The following GABRB2 variants were observed in gnomAD, a reference collection of about 807,000 sequenced individuals.
GABRB2 encodes the protein gamma-aminobutyric acid type A receptor subunit beta2, also known as gamma-aminobutyric acid receptor subunit beta-2.
Under a neutral mutation model 54.7 loss-of-function variants are expected in GABRB2, and 16 were observed. That is an observed-to-expected ratio of 0.29 (90% CI 0.20 to 0.44). The LOEUF (loss-of-function observed/expected upper bound fraction) is 0.44, where lower values mean the gene tolerates loss of function less well. Ranked by LOEUF, GABRB2 falls within the 20% of genes least tolerant of loss-of-function variation. The pLI is 1.00. For missense variants in GABRB2, 355 were observed against 644.0 expected (o/e 0.55, Z 4.86); for synonymous variants, 244 against 233.8 (o/e 1.04, Z -0.40).
At chr5:161,429,352 A>AAAAAAAAAAAAAAG (rs1580978502) in intron 4 of GABRB2, among the ~76,000 whole-genome samples, 1 of 148,946 alleles carries the variant, frequency 6.7e-6, no homozygotes, top group Non-Finnish European at 1.5e-5. Context: ...TCTCAAAAAA[A>AAAAAAAAAAAAAAG]AAAAAAGAAA....
chr5:161,494,322 G>A (rs1325563920), intron 3 of GABRB2, among the ~76,000 whole-genome samples: 3 of 151,790 alleles, frequency 2.0e-5, no homozygotes, highest in East Asian at 1.9e-4. Context: ...TACACTTGAT[G>A]ACACAAAAAG....
intron 4 of GABRB2, among the ~76,000 whole-genome samples, chr5:161,431,058 G>T (rs1268329235): frequency 1.3e-5 from 2 of 152,126 alleles, no homozygotes; most frequent in African/African-American, 4.8e-5. Flanking sequence ...TTGAAAAAGA[G>T]ATGGGATAAC....
chr5:161,363,347 G>T (rs1561622914), intron 5 of GABRB2, among the ~76,000 whole-genome samples: 1 of 152,016 alleles, frequency 6.6e-6, no homozygotes, highest in Non-Finnish European at 1.5e-5. Context: ...ATGGAGATAG[G>T]GAGGGGAACA....
At chr5:161,326,508 A>T in intron 8 of GABRB2, 27 bp from the exon 9 acceptor site, 1 of 1,607,986 alleles carries the variant, frequency 6.2e-7, no homozygotes. Context: ...AGAATGTGCT[A>T]ATTAAGTCGA....
At chr5:161,319,745 G>A (rs73797568) in intron 9 of GABRB2, among the ~76,000 whole-genome samples, 2 of 151,654 alleles carry the variant, frequency 1.3e-5, no homozygotes, top group South Asian at 4.1e-4. Context: ...ACCACTAGAG[G>A]TATTTGAATT....
chr5:161,309,668 T>C (rs1400705372), intron 9 of GABRB2, among the ~76,000 whole-genome samples: 5 of 151,852 alleles, frequency 3.3e-5, no homozygotes, highest in Admixed American at 6.6e-5. Flanking sequence ...TCTCGCTCTG[T>C]TGCTCAGGCT....
chr5:161,477,735 T>C (rs936381015), intron 3 of GABRB2, among the ~76,000 whole-genome samples: 1 of 152,028 alleles, frequency 6.6e-6, no homozygotes, highest in South Asian at 2.1e-4. Flanking sequence ...ATGATTCCAC[T>C]TGTATGATGT....
chr5:161,507,722 T>C (rs892861978), intron 3 of GABRB2, among the ~76,000 whole-genome samples: 7 of 151,980 alleles, frequency 4.6e-5, no homozygotes, highest in African/African-American at 1.7e-4. Context: ...AAAGAAGATA[T>C]GCAAAGTGGC....
At position 161,366,498 on chromosome 5, in the gene GABRB2, A is replaced by T. The variant is rs543159510; in HGVS notation, c.542-29729T>A. Among the ~76,000 whole-genome samples, 8 of 152,094 alleles carry T rather than the reference A, an allele frequency of 5.3e-5. No individual in the cohort carries two copies. In the South Asian group the frequency reaches 8.3e-4, roughly 16 times the overall value. ...CAGCAGAGATCTAATTTAACTAAAA[A>T]TTTTTTTTCTATCCAAATGCCAGTC... On this transcript the variant is annotated intron_variant, in intron 5 of 9. Coordinates refer to ENST00000393959, the MANE Select transcript of GABRB2 (RefSeq NM_001371727.1).
chr5:161,533,855 T>C, intron 3 of GABRB2, among the ~76,000 whole-genome samples: 1 of 152,268 alleles, frequency 6.6e-6, no homozygotes, highest in Middle Eastern at 3.4e-3. Flanking sequence ...ATTGCAAATG[T>C]AGACTATAAT....
chr5:161,531,342 A>G (rs561793088), intron 3 of GABRB2, among the ~76,000 whole-genome samples: 12 of 152,216 alleles, frequency 7.9e-5, no homozygotes, highest in African/African-American at 2.9e-4. Flanking sequence ...AAACCTGACA[A>G]TTTTTTAAAG....
chr5:161,425,043 T>A (rs1756959061), intron 4 of GABRB2, among the ~76,000 whole-genome samples: 2 of 152,126 alleles, frequency 1.3e-5, no homozygotes, highest in Admixed American at 1.3e-4. Flanking sequence ...GTGACTGAAT[T>A]TATGCAACCT....
chr5:161,496,682 T>G (rs1286090114), intron 3 of GABRB2, among the ~76,000 whole-genome samples: 2 of 152,224 alleles, frequency 1.3e-5, no homozygotes, highest in African/African-American at 2.4e-5. Flanking sequence ...TTTTAAAATT[T>G]AAAACGTATC....
intron 7 of GABRB2, among the ~76,000 whole-genome samples, chr5:161,332,372 A>G (rs1753878458): frequency 6.6e-6 from 1 of 152,158 alleles, no homozygotes; most frequent in African/African-American, 2.4e-5. Context: ...CCTCATGTAT[A>G]TGGATCGGAC....
chr5:161,436,523 A>C, intron 4 of GABRB2, among the ~76,000 whole-genome samples: 1 of 147,562 alleles, frequency 6.8e-6, no homozygotes, highest in Non-Finnish European at 1.5e-5. Flanking sequence ...ACAGAGCAAG[A>C]CGCTGTCGAA....
intron 3 of GABRB2, among the ~76,000 whole-genome samples, chr5:161,523,245 T>C (rs1313250547): frequency 2.0e-5 from 3 of 151,510 alleles, no homozygotes; most frequent in African/African-American, 7.2e-5. Context: ...CAAGTGAAAA[T>C]ACATGCATCC....
At chr5:161,440,096 T>C (rs1229717512) in intron 4 of GABRB2, among the ~76,000 whole-genome samples, 1 of 119,030 alleles carries the variant, frequency 8.4e-6, no homozygotes, top group Non-Finnish European at 1.8e-5. Flanking sequence ...ACATACCACA[T>C]ATACACAAAA....
intron 4 of GABRB2, among the ~76,000 whole-genome samples, chr5:161,455,038 G>C (rs1406357424): frequency 2.0e-5 from 3 of 152,084 alleles, no homozygotes; most frequent in South Asian, 2.1e-4. Flanking sequence ...TATAAAAAAA[G>C]GGTCCATATT....
At chr5:161,506,582 C>G (rs1759612667) in intron 3 of GABRB2, among the ~76,000 whole-genome samples, 1 of 152,092 alleles carries the variant, frequency 6.6e-6, no homozygotes, top group Non-Finnish European at 1.5e-5. Flanking sequence ...TATATATTAT[C>G]TATGGCTATT....
Sources: gnomAD v4.1 joint callset for allele counts (sites outside exome capture counted in the v4.1 genomes callset) on GRCh38, gnomAD v4.1.1 for gene constraint, MANE v1.5 for transcripts, NCBI Gene and HGNC (gene_info 2026-07-23, HGNC 2026-07-21) for gene names.